Variants in ASPH observed in about 807,000 individuals in gnomAD.
ASPH encodes the protein aspartate beta-hydroxylase, also known as aspartyl/asparaginyl beta-hydroxylase.
In ASPH, 100 loss-of-function variants were observed where a neutral mutation model predicts 118.4. That is an observed-to-expected ratio of 0.84 (90% CI 0.72 to 1.00). The LOEUF is 1.00. Among genes scored for constraint, ASPH ranks in the 50% least tolerant of loss-of-function variants. The pLI is 0.00. For missense variants in ASPH, 920 were observed against 919.5 expected, an observed-to-expected ratio of 1.00 and a Z score of -0.01; for synonymous variants, 315 against 325.6, an observed-to-expected ratio of 0.97 and a Z score of 0.35.
chr8:61,503,230 T>A lies in ASPH; in HGVS notation c.*129A>T. 1 of 1,156,344 alleles carries A rather than the reference T, an allele frequency of 8.6e-7. No homozygotes were observed. 71.6% of individuals were successfully genotyped at this position (1,156,344 alleles called of 1,614,324 possible). On this transcript the variant is annotated 3_prime_UTR_variant, in exon 25 of 25. Transcript: ENST00000379454. ...GTGTCTTCTGACCCTAGGAGGAGGCTTTGAATTACTCGGGCTGCAAGTCAA... is the reference window on the plus strand; with the variant it reads ...GTGTCTTCTGACCCTAGGAGGAGGCATTGAATTACTCGGGCTGCAAGTCAA...
At chr8:61,680,234 T>C (rs906832385) in intron 3 of ASPH, among the ~76,000 whole-genome samples, 1 of 151,822 alleles carries the variant, frequency 6.6e-6, no homozygotes, top group Non-Finnish European at 1.5e-5. Context: ...AAGACTCTTA[T>C]ATAAAAAGTT....
intron 1 of ASPH, 28 bp downstream of exon 1, chr8:61,714,241 C>T: frequency 5.4e-6 from 8 of 1,471,766 alleles, no homozygotes; most frequent in African/African-American, 1.5e-5. Flanking sequence ...GGCGAGGCCC[C>T]AGATCCCCGC....
At chr8:61,592,365 A>G (rs1841400498) in intron 14 of ASPH, among the ~76,000 whole-genome samples, 1 of 152,206 alleles carries the variant, frequency 6.6e-6, no homozygotes, top group South Asian at 2.1e-4. Flanking sequence ...TTTCTCTATG[A>G]TCAGACATTT....
intron 3 of ASPH, among the ~76,000 whole-genome samples, chr8:61,679,965 A>C (rs1198932264): frequency 4.6e-5 from 7 of 150,744 alleles, no homozygotes; most frequent in African/African-American, 1.2e-4. Flanking sequence ...AAAACAAAAA[A>C]CACCAACACA....
chr8:61,678,710 C>T (rs1018779359), intron 3 of ASPH, among the ~76,000 whole-genome samples: 13 of 152,060 alleles, frequency 8.5e-5, no homozygotes, highest in Admixed American at 2.0e-4. Context: ...TATTACTATA[C>T]CTGCGATGAC....
intron 1 of ASPH, among the ~76,000 whole-genome samples, chr8:61,703,050 T>C (rs897630398): frequency 2.6e-5 from 4 of 151,982 alleles, no homozygotes; most frequent in Non-Finnish European, 5.9e-5. Flanking sequence ...AATAAAGCAA[T>C]ATATAAAAAG....
At chr8:61,644,708 A>C in intron 6 of ASPH, 76 bp from the exon 7 acceptor site, 1 of 1,080,236 alleles carries the variant, frequency 9.3e-7, no homozygotes, top group Non-Finnish European at 1.3e-6. Flanking sequence ...ATGTACTCTG[A>C]ATCTATGCTT....
chr8:61,664,231 C>CTAGAG (rs1818351065), intron 3 of ASPH: 1 of 968,164 alleles, frequency 1.0e-6, no homozygotes. Context: ...AAATTCTGAT[C>CTAGAG]TCTAGTGAAG....
At chr8:61,525,666 A>G (rs1208968090) in intron 22 of ASPH, among the ~76,000 whole-genome samples, 1 of 152,186 alleles carries the variant, frequency 6.6e-6, no homozygotes, top group Non-Finnish European at 1.5e-5. Flanking sequence ...TTATGCCTAC[A>G]CAGTAGGGTT....
chr8:61,547,290 C>T, intron 21 of ASPH, among the ~76,000 whole-genome samples: 1 of 152,184 alleles, frequency 6.6e-6, no homozygotes, highest in Non-Finnish European at 1.5e-5. Flanking sequence ...CACTTAGTTT[C>T]TCCAAATGCT....
intron 21 of ASPH, among the ~76,000 whole-genome samples, chr8:61,545,660 C>T (rs1442756123): frequency 6.6e-6 from 1 of 152,180 alleles, no homozygotes; most frequent in Non-Finnish European, 1.5e-5. Flanking sequence ...AAGCAAAGAA[C>T]AATGTTTGGG....
intron 19 of ASPH, among the ~76,000 whole-genome samples, chr8:61,553,610 T>C (rs7840456): frequency 1.3e-5 from 2 of 151,844 alleles, no homozygotes; most frequent in East Asian, 1.9e-4. Context: ...GATTTTTTTT[T>C]TTTTTACAAA....
At chr8:61,570,109 A>G (rs1225706519) in intron 16 of ASPH, among the ~76,000 whole-genome samples, 2 of 152,200 alleles carry the variant, frequency 1.3e-5, no homozygotes, top group Non-Finnish European at 2.9e-5. Context: ...TGTATTTAAT[A>G]CAGATAACCT....
intron 1 of ASPH, among the ~76,000 whole-genome samples, chr8:61,689,303 A>G (rs2151764216): frequency 6.6e-6 from 1 of 152,280 alleles, no homozygotes; most frequent in South Asian, 2.1e-4. Flanking sequence ...GACTGAATTT[A>G]TATCTCCTAT....
At chr8:61,593,529 T>C (rs1401278239) in intron 14 of ASPH, among the ~76,000 whole-genome samples, 1 of 152,156 alleles carries the variant, frequency 6.6e-6, no homozygotes, top group Non-Finnish European at 1.5e-5. Context: ...ACCCAGTAAA[T>C]AGTATATAAA....
intron 18 of ASPH, among the ~76,000 whole-genome samples, chr8:61,557,032 C>T (rs1191546348): frequency 6.6e-6 from 1 of 152,188 alleles, no homozygotes; most frequent in East Asian, 1.9e-4. Context: ...CCAACACTAC[C>T]TTCAAAATAT....
rs189223813 is a variant in ASPH at position 61,609,655 on chromosome 8, A to G, written c.976+9323T>C. ...CCATTATTAATATTTTCCTATTGTC[A>G]ATATATATTTGATTTTTAAGTGAAA... is the stretch of plus-strand genomic sequence containing the variant. On this transcript the variant is annotated intron_variant, in intron 14 of 24. Coordinates refer to ENST00000379454, the MANE Select transcript of ASPH (RefSeq NM_004318.4). Among the ~76,000 whole-genome samples, 175 of 152,274 alleles carry G rather than the reference A, an allele frequency of 1.1e-3. 1 individual carries two copies. Among genetic ancestry groups the G allele is most frequent in the South Asian group, 6.0e-3 (29 of 4,822 alleles).
At chr8:61,537,784 G>A (rs1820200709) in intron 21 of ASPH, among the ~76,000 whole-genome samples, 1 of 152,102 alleles carries the variant, frequency 6.6e-6, no homozygotes, top group African/African-American at 2.4e-5. Flanking sequence ...ACGTTGTGCT[G>A]TAAGTTCCCA....
At position 61,505,021 on chromosome 8, in the gene ASPH, A is replaced by T. The variant is rs547575502; in HGVS notation, c.2127-1512T>A. On this transcript the variant is annotated intron_variant, in intron 24 of 24. Coordinates refer to ENST00000379454, the MANE Select transcript of ASPH (RefSeq NM_004318.4). ...TGTCCCCACCCAAATCTCATCTTGAATTGTACTCCCATAATTCCCACATGC... is the reference window on the plus strand; with the variant it reads ...TGTCCCCACCCAAATCTCATCTTGATTTGTACTCCCATAATTCCCACATGC... Among the ~76,000 whole-genome samples the T allele has an allele frequency of 2.0e-3, 305 of 152,214 alleles. 1 individual carries two copies. The highest frequency in any genetic ancestry group is 6.5e-3 in the African/African-American group (272 of 41,530).
Sources: allele counts gnomAD v4.1 joint callset (sites outside exome capture counted in the v4.1 genomes callset), GRCh38; gene constraint gnomAD v4.1.1; transcripts MANE v1.5; gene names NCBI Gene and HGNC (gene_info 2026-07-23, HGNC 2026-07-21).